Variants in VWDE observed in about 807,000 individuals in gnomAD.
VWDE encodes von Willebrand factor D and EGF domains.
Under a neutral mutation model 178.4 loss-of-function variants are expected in VWDE, and 207 were observed. The observed-to-expected ratio is 1.16, with a 90% CI of 1.04 to 1.30. The LOEUF (loss-of-function observed/expected upper bound fraction) is 1.30, where lower values mean the gene tolerates loss of function less well. VWDE is among the 50% of genes most tolerant of loss of function. The pLI is 0.00. For missense variants in VWDE, 2,287 were observed against 1,901.3 expected, an observed-to-expected ratio of 1.20 and a Z score of -3.77; for synonymous variants, 738 against 651.4, an observed-to-expected ratio of 1.13 and a Z score of -2.02.
intron 7 of VWDE, among the ~76,000 whole-genome samples, chr7:12,376,107 GAAATAT>G (rs1783515302): frequency 6.6e-6 from 1 of 151,850 alleles, no homozygotes; most frequent in Non-Finnish European, 1.5e-5. Flanking sequence ...TATTTTTTTA[GAAATAT>G]ATACTTTTCC....
At position 12,403,667 on chromosome 7, in the gene VWDE, C is replaced by A. The variant is rs181950065; in HGVS notation, c.50G>T (p.Trp17Leu). The change falls in exon 1 of 29, where the codon TGG (tryptophan) becomes TTG (leucine). Residue 17 changes from tryptophan (W) to leucine (L), a missense_variant. Physicochemically the swap from Trp to Leu is moderately conservative, Grantham distance 61. Transcript: ENST00000275358. ...VLVIALMFLA[W>L]GEAQECSPGG... ...CGCCCTACCTCGCTTACCTTCCCCC[C>A]AGGCCAGGAACATCAGCGCGATCAC... 3 of 1,545,484 alleles carry A rather than the reference C, an allele frequency of 1.9e-6. No homozygotes were observed. The highest frequency in any genetic ancestry group is 1.4e-5 in the African/African-American group (1 of 73,052).
Position 12,396,866 on chromosome 7 carries a change from T to C in VWDE, c.59-3088A>G, listed in dbSNP as rs187846704. The stretch of plus-strand genomic sequence containing the variant: ...AGGAGAATCACTTGAACCCAGGAGA[T>C]GGAAGTTGCAGTTGGCCAAGGTCAT... On this transcript the variant is annotated intron_variant, in intron 1 of 28. Transcript: ENST00000275358. 1.2e-3 allele frequency among the ~76,000 whole-genome samples: 184 copies of C among 152,002 alleles called. No homozygotes were observed. In the East Asian group the frequency reaches 0.014, roughly 12 times the overall value.
At chr7:12,389,489 CT>C in intron 2 of VWDE, 131 bp from the exon 3 acceptor site, 1 of 637,990 alleles carries the variant, frequency 1.6e-6, no homozygotes, top group South Asian at 2.2e-5. Context: ...TGGCTTGTAC[CT>C]GTTCTATACA....
chr7:12,351,745 C>A, intron 18 of VWDE, 32 bp from the exon 19 acceptor site: 2 of 1,509,170 alleles, frequency 1.3e-6, no homozygotes, highest in African/African-American at 1.4e-5. Context: ...ACAGATTAGA[C>A]TTAAACTATT....
intron 2 of VWDE, among the ~76,000 whole-genome samples, 179 bp from the exon 3 acceptor site, chr7:12,389,537 T>C (rs1332211121): frequency 3.3e-5 from 5 of 152,182 alleles, no homozygotes; most frequent in African/African-American, 1.2e-4. Context: ...AATTTAAGGG[T>C]ACACATCTCA....
At chr7:12,394,376 C>T (rs994712602) in intron 1 of VWDE, among the ~76,000 whole-genome samples, 2 of 151,986 alleles carry the variant, frequency 1.3e-5, no homozygotes, top group African/African-American at 4.8e-5. Context: ...CACAGGAAAA[C>T]GAATGGGATG....
At chr7:12,378,077 A>T (rs1387161165) in intron 6 of VWDE, among the ~76,000 whole-genome samples, 157 bp from the exon 7 acceptor site, 4 of 152,200 alleles carry the variant, frequency 2.6e-5, no homozygotes, top group African/African-American at 9.7e-5. Context: ...AATCAAACTT[A>T]TACAAATACA....
chr7:12,358,744 C>G (rs1487381975), intron 16 of VWDE, among the ~76,000 whole-genome samples: 1 of 152,196 alleles, frequency 6.6e-6, no homozygotes, highest in African/African-American at 2.4e-5. Context: ...ATGAATCAAT[C>G]AGTCAAACTA....
intron 2 of VWDE, among the ~76,000 whole-genome samples, chr7:12,390,883 T>C (rs1169733574): frequency 2.0e-5 from 3 of 152,098 alleles, no homozygotes; most frequent in Non-Finnish European, 2.9e-5. Flanking sequence ...ATTTAACTTA[T>C]AAAAATCAAT....
intron 1 of VWDE, among the ~76,000 whole-genome samples, chr7:12,399,438 G>C (rs1367807655): frequency 6.6e-6 from 1 of 152,132 alleles, no homozygotes; most frequent in Non-Finnish European, 1.5e-5. Context: ...GAAGCAAAAT[G>C]CAGCAGAAAC....
chr7:12,371,626 T>C (rs1783204632), intron 10 of VWDE, among the ~76,000 whole-genome samples: 1 of 152,158 alleles, frequency 6.6e-6, no homozygotes, highest in Non-Finnish European at 1.5e-5. Flanking sequence ...TGGTCTGTGT[T>C]AGTTACATTA....
At chr7:12,356,688 C>T (rs1475939156) in intron 17 of VWDE, among the ~76,000 whole-genome samples, 1 of 152,126 alleles carries the variant, frequency 6.6e-6, no homozygotes, top group Non-Finnish European at 1.5e-5. Context: ...CAAATGATCT[C>T]CCGAATTACT....
At chr7:12,402,861 A>G (rs1335911681) in intron 1 of VWDE, among the ~76,000 whole-genome samples, 1 of 152,174 alleles carries the variant, frequency 6.6e-6, no homozygotes, top group South Asian at 2.1e-4. Context: ...GACTGCTATA[A>G]ATGTTGTACA....
intron 4 of VWDE, 84 bp from the exon 5 acceptor site, chr7:12,380,817 T>TTAAGATAA (rs1783816612): frequency 6.9e-7 from 1 of 1,450,186 alleles, no homozygotes; most frequent in African/African-American, 1.4e-5. Context: ...AGACTATAAC[T>TTAAGATAA]CTGTGGTTTA....
intron 24 of VWDE, among the ~76,000 whole-genome samples, chr7:12,338,362 C>T (rs954852188): frequency 5.1e-4 from 77 of 151,642 alleles, no homozygotes; most frequent in Non-Finnish European, 1.9e-4. Flanking sequence ...TTTCTGCTCC[C>T]TATCCTTCAT....
rs1783096394 is a variant in VWDE at position 12,370,124 on chromosome 7, T to G, written c.2182A>C (p.Asn728His). ...EKEDSLQYLA[N>H]KKYTQGRGSH... is the part of the protein sequence containing the mutation. Reference sequence around the variant, plus strand: ...CCCCGGCCTTGTGTATATTTCTTATTGGCCAAATATTGTAGTGAATCTTCT... The same window carrying G: ...CCCCGGCCTTGTGTATATTTCTTATGGGCCAAATATTGTAGTGAATCTTCT... The change falls in exon 12 of 29, where the codon AAT (asparagine) becomes CAT (histidine). Residue 728 changes from asparagine to histidine, a missense_variant. Asn to His is a moderately conservative substitution (Grantham distance 68). Coordinates refer to ENST00000275358, the MANE Select transcript of VWDE (RefSeq NM_001135924.3). 1.3e-6 allele frequency: 2 copies of G among 1,551,492 alleles called. No individual in the cohort carries two copies. The highest frequency in any genetic ancestry group is 1.7e-6 in the Non-Finnish European group (2 of 1,146,928).
At chr7:12,340,702 C>T (rs1301246607) in intron 23 of VWDE, among the ~76,000 whole-genome samples, 1 of 152,166 alleles carries the variant, frequency 6.6e-6, no homozygotes, top group Non-Finnish European at 1.5e-5. Context: ...GACGGTGCTC[C>T]TGCTCTATCA....
chr7:12,358,193 A>G (rs1180981189), intron 16 of VWDE, among the ~76,000 whole-genome samples: 1 of 152,096 alleles, frequency 6.6e-6, no homozygotes, highest in Non-Finnish European at 1.5e-5. Flanking sequence ...CCTGGCCAAC[A>G]TGGTGAAACC....
chr7:12,359,564 A>G lies in VWDE; in HGVS notation c.3274+14T>C, dbSNP rs4721093. ...TTGTATAGGAAATATTTGGATTAAT[A>G]AAGAGTAACTTACTTTCTAAAAATG... On this transcript the variant is annotated intron_variant, in intron 16 of 28. Coordinates refer to ENST00000275358, the MANE Select transcript of VWDE (RefSeq NM_001135924.3). 0.11 allele frequency: 169,520 copies of G among 1,480,916 alleles called. 10,548 individuals are homozygous for G. Among genetic ancestry groups the G allele is most frequent in the East Asian group, 0.21 (8,515 of 40,418 alleles). 91.7% of individuals were successfully genotyped at this position (1,480,916 alleles called of 1,614,324 possible). A position where few individuals can be genotyped will look rare whatever the true frequency, so the allele number is the denominator to read the frequency against.
Sources: gnomAD v4.1 joint callset for allele counts (sites outside exome capture counted in the v4.1 genomes callset) on GRCh38, gnomAD v4.1.1 for gene constraint, MANE v1.5 for transcripts, NCBI Gene and HGNC (gene_info 2026-07-23, HGNC 2026-07-21) for gene names.